PCDH15: variants seen among roughly 807,000 people sequenced by gnomAD.
The protein encoded by PCDH15 is protocadherin-15.
PCDH15 carries 129 observed loss-of-function variants against 178.5 expected under a neutral mutation model. That is an observed-to-expected ratio of 0.72 (90% confidence interval 0.63 to 0.84). The LOEUF (loss-of-function observed/expected upper bound fraction) is 0.84, where lower values mean the gene tolerates loss of function less well. Among genes scored for constraint, PCDH15 ranks in the 40% least tolerant of loss-of-function variants. The pLI is 0.00. For synonymous variants in PCDH15, 800 were observed against 732.0 expected, an observed-to-expected ratio of 1.09 and a Z score of -1.50; for missense variants, 2,230 against 2,099.9, an observed-to-expected ratio of 1.06 and a Z score of -1.21.
chr10:54,513,106 A>C (rs2081872321), intron 3 of PCDH15, among the ~76,000 whole-genome samples: 1 of 152,044 alleles, frequency 6.6e-6, no homozygotes, highest in South Asian at 2.1e-4. Context: ...TAAATGTACA[A>C]AACATTTTAA....
chr10:54,916,559 A>G (rs1340049733), intron 2 of PCDH15, among the ~76,000 whole-genome samples: 1 of 152,012 alleles, frequency 6.6e-6, no homozygotes, highest in Non-Finnish European at 1.5e-5. Flanking sequence ...TAAAGTTTCT[A>G]TTTTTTAAAG....
intron 2 of PCDH15, among the ~76,000 whole-genome samples, chr10:55,334,242 A>ATATATATATATATATGTGTGTG (rs1291195941): frequency 2.2e-4 from 16 of 72,140 alleles, no homozygotes; most frequent in African/African-American, 5.7e-4. Flanking sequence ...ATATATATAT[A>ATATATATATATATATGTGTGTG]TGTGTGTGTG....
intron 1 of PCDH15, among the ~76,000 whole-genome samples, chr10:55,317,692 T>G (rs568838642): frequency 3.3e-5 from 5 of 151,818 alleles, no homozygotes; most frequent in African/African-American, 1.2e-4. Flanking sequence ...ATAAGAAATA[T>G]TTTAGTGCAA....
intron 8 of PCDH15, among the ~76,000 whole-genome samples, chr10:54,286,662 A>G (rs1274065469): frequency 6.6e-6 from 1 of 152,018 alleles, no homozygotes; most frequent in Non-Finnish European, 1.5e-5. Flanking sequence ...GTCTTGCTCT[A>G]TTGCTCAGTC....
chr10:53,849,860 CAAAAAAAAAA>C (rs58458871), intron 28 of PCDH15, among the ~76,000 whole-genome samples: 2 of 52,726 alleles, frequency 3.8e-5, no homozygotes, highest in East Asian at 1.0e-3. Context: ...GGCTCCGTCT[CAAAAAAAAAA>C]AAAAAAAAAA....
intron 1 of PCDH15, among the ~76,000 whole-genome samples, chr10:54,752,538 A>AAAC (rs1946485605): frequency 1.5e-5 from 2 of 134,278 alleles, no homozygotes; most frequent in South Asian, 2.4e-4. Context: ...ACAAAAAAAA[A>AAAC]CAATAAAACA....
At position 53,806,326 on chromosome 10, in the gene PCDH15, C is replaced by T. The variant is rs1490038942; in HGVS notation, c.*253G>A. On this transcript the variant is annotated 3_prime_UTR_variant, in exon 38 of 38. Transcript: ENST00000644397. ...TTAAAATGAACAAAAATTCAAGACCCAACAAAACAGCTAAATGTTTAAACG... is the reference window on the plus strand; with the variant it reads ...TTAAAATGAACAAAAATTCAAGACCTAACAAAACAGCTAAATGTTTAAACG... 3 of 365,812 alleles carry T rather than the reference C, an allele frequency of 8.2e-6. No individual in the cohort carries two copies. Among genetic ancestry groups the T allele is most frequent in the East Asian group, 8.8e-5 (2 of 22,718 alleles). The allele number at this position is 365,812 out of a possible 1,614,324, so 22.7% of individuals were successfully genotyped here.
At chr10:54,516,082 C>G (rs1256696617) in intron 3 of PCDH15, among the ~76,000 whole-genome samples, 1 of 152,166 alleles carries the variant, frequency 6.6e-6, no homozygotes, top group Admixed American at 6.5e-5. Context: ...CTCTAAAAAG[C>G]AGAGCGCCTC....
chr10:54,647,517 T>C (rs1409009736), intron 2 of PCDH15, among the ~76,000 whole-genome samples: 1 of 152,098 alleles, frequency 6.6e-6, no homozygotes, highest in African/African-American at 2.4e-5. Flanking sequence ...GTAGAACCTC[T>C]ACTTGACTCT....
intron 2 of PCDH15, among the ~76,000 whole-genome samples, chr10:55,009,304 G>A (rs1839999985): frequency 6.6e-6 from 1 of 151,804 alleles, no homozygotes; most frequent in African/African-American, 2.4e-5. Context: ...AGTGGCAATG[G>A]AAATTTGTAA....
intron 2 of PCDH15, among the ~76,000 whole-genome samples, chr10:55,042,963 G>A (rs1840905017): frequency 6.6e-6 from 1 of 152,108 alleles, no homozygotes; most frequent in South Asian, 2.1e-4. Context: ...GTGTGTGTAT[G>A]TGTTGCATGT....
Position 54,926,874 on chromosome 10 carries a change from T to A in PCDH15, c.-79-29374A>T, listed in dbSNP as rs1323765178. 2.6e-5 allele frequency among the ~76,000 whole-genome samples: 4 copies of A among 152,040 alleles called. No homozygotes were observed. In the East Asian group the frequency reaches 7.7e-4, roughly 29 times the overall value. On this transcript the variant is annotated intron_variant, in intron 2 of 5. Transcript: ENST00000458638. ...TATTCTAGATAGTAGTATATCTACT[T>A]TATTAAATTTACAAGAAAATAACAA...
At chr10:55,334,242 A>ATATATATATATATATATGTGTGTG (rs1291195941) in intron 2 of PCDH15, among the ~76,000 whole-genome samples, 4 of 72,146 alleles carry the variant, frequency 5.5e-5, no homozygotes, top group South Asian at 5.5e-4. Context: ...ATATATATAT[A>ATATATATATATATATATGTGTGTG]TGTGTGTGTG....
intron 2 of PCDH15, among the ~76,000 whole-genome samples, chr10:55,045,289 T>G (rs1840971097): frequency 6.6e-6 from 1 of 152,092 alleles, no homozygotes. Flanking sequence ...TACCATTGAT[T>G]TTGTTCTTTA....
At position 53,806,055 on chromosome 10, in the gene PCDH15, A is replaced by AATTG. The variant is rs60058754; in HGVS notation, c.*523_*524insCAAT. On this transcript the variant is annotated 3_prime_UTR_variant, in exon 38 of 38. Coordinates refer to ENST00000644397, the MANE Select transcript of PCDH15 (RefSeq NM_001384140.1). ...AGCTCATGATTTAAAATAATTAATT[A>AATTG]TTTACAGGTGATTCCCTCATTTACT... The AATTG allele has an allele frequency of 6.5e-6, 1 of 153,210 alleles. No homozygotes were observed. The highest frequency in any genetic ancestry group is 1.9e-4 in the East Asian group (1 of 5,194). 9.5% of individuals were successfully genotyped at this position (153,210 alleles called of 1,614,324 possible). A position where few individuals can be genotyped will look rare whatever the true frequency, so the allele number is the denominator to read the frequency against.
intron 3 of PCDH15, among the ~76,000 whole-genome samples, chr10:54,448,982 T>G (rs1277019919): frequency 6.6e-6 from 1 of 151,780 alleles, no homozygotes; most frequent in Non-Finnish European, 1.5e-5. Flanking sequence ...TACTGTTAAC[T>G]GCCAACCACT....
At chr10:55,305,187 A>C (rs1843388565) in intron 1 of PCDH15, among the ~76,000 whole-genome samples, 1 of 152,222 alleles carries the variant, frequency 6.6e-6, no homozygotes, top group Admixed American at 6.5e-5. Context: ...TCATTGTATT[A>C]GGTGCTGCTG....
chr10:54,260,867 A>G (rs1054361363), intron 8 of PCDH15, among the ~76,000 whole-genome samples: 1 of 152,146 alleles, frequency 6.6e-6, no homozygotes, highest in East Asian at 1.9e-4. Context: ...ACCTGACCTC[A>G]GGTGATATGC....
intron 5 of PCDH15, among the ~76,000 whole-genome samples, chr10:54,349,646 T>C: frequency 6.6e-6 from 1 of 151,732 alleles, no homozygotes; most frequent in East Asian, 1.9e-4. Context: ...GTTTAATATG[T>C]AGTCCTTTAA....
Sources: allele counts gnomAD v4.1 joint callset (sites outside exome capture counted in the v4.1 genomes callset), GRCh38; gene constraint gnomAD v4.1.1; transcripts MANE v1.5; gene names NCBI Gene and HGNC (gene_info 2026-07-23, HGNC 2026-07-21).